The following MAP1A variants were observed in gnomAD, a reference collection of about 807,000 sequenced individuals.
The protein encoded by MAP1A is microtubule associated protein 1A, also known as microtubule-associated protein 1A.
In MAP1A, 42 loss-of-function variants were observed where a neutral mutation model predicts 185.9. The observed-to-expected ratio is 0.23, with a 90% CI of 0.18 to 0.29. The LOEUF (loss-of-function observed/expected upper bound fraction) is 0.29. Ranked by LOEUF, MAP1A falls within the 10% of genes least tolerant of loss-of-function variation. The pLI is 1.00. For synonymous variants in MAP1A, 1,229 were observed against 1,335.9 expected (o/e 0.92, Z 1.74); for missense variants, 2,995 against 3,450.4 (o/e 0.87, Z 3.31).
Position 43,528,696 on chromosome 15 carries a change from C to T in MAP1A, c.7223C>T (p.Ser2408Phe). The T allele has an allele frequency of 6.2e-7, 1 of 1,613,810 alleles. No individual in the cohort carries two copies. The highest frequency in any genetic ancestry group is 8.5e-7 in the Non-Finnish European group (1 of 1,179,974). The change falls in exon 4 of 6, where the codon TCC becomes TTC. Residue 2408 changes from serine (S) to phenylalanine (F), a missense_variant. By Grantham distance (155) the Ser-to-Phe change is radical (BLOSUM62 -2). Transcript: ENST00000300231. ...ERSSRPDTLL[S>F]PEQPVCPAGG... ...AGCTCCCGGCCTGACACATTGCTCT[C>T]CCCTGAGCAGCCAGTGTGTCCTGCA... is the stretch of plus-strand genomic sequence containing the variant.
chr15:43,525,104 G>T lies in MAP1A; in HGVS notation c.3631G>T (p.Asp1211Tyr). ...GAGTCCCAGCAAGGAGACCTCCCTGGATGTCTCTTCTAAGCAGCTCTCTCC... is the reference window on the plus strand; with the variant it reads ...GAGTCCCAGCAAGGAGACCTCCCTGTATGTCTCTTCTAAGCAGCTCTCTCC... ...EESPSKETSL[D>Y]VSSKQLSPES... Residue 1211 changes from aspartate (D) to tyrosine (Y), a missense_variant, in exon 4 of 6, where the codon GAT (aspartate) becomes TAT (tyrosine). Asp to Tyr is a radical substitution (Grantham distance 160). Around this residue, in one of 3 missense-constraint regions of MAP1A, gnomAD observed 2,728 missense variants for 2,986.0 expected, o/e 0.91. Coordinates refer to ENST00000300231, the MANE Select transcript of MAP1A (RefSeq NM_002373.6). 1 of 1,614,178 alleles carries T rather than the reference G, an allele frequency of 6.2e-7. No individual in the cohort carries two copies. Among genetic ancestry groups the T allele is most frequent in the Non-Finnish European group, 8.5e-7 (1 of 1,180,030 alleles).
In MAP1A at chr15:43,523,750, G is replaced by A. The variant is rs142195148; in HGVS notation, c.2277G>A (p.Pro759=). 5.8e-5 allele frequency: 93 copies of A among 1,614,040 alleles called. No individual in the cohort carries two copies. The African/African-American group carries it at 7.1e-4, about 12-fold the overall frequency. ...TISDEEIHDE[P]EERPAPPRFH... ...CAGATGAGGAGATCCATGATGAGCC[G>A]GAGGAGCGCCCAGCTCCACCCAGAT... The change falls in exon 4 of 6, where the codon CCG becomes CCA. Residue 759 remains proline (P), a synonymous_variant. Transcript: ENST00000300231.
chr15:43,528,938 G>A lies in MAP1A; in HGVS notation c.7465G>A (p.Gly2489Arg). 2 of 1,613,106 alleles carry A rather than the reference G, an allele frequency of 1.2e-6. No individual in the cohort carries two copies. Among genetic ancestry groups the A allele is most frequent in the Non-Finnish European group, 1.7e-6 (2 of 1,179,974 alleles). Residue 2489 changes from glycine to arginine, a missense_variant, in exon 4 of 6, where the codon GGG (glycine) becomes AGG (arginine). Gly to Arg is a moderately radical substitution (Grantham distance 125). Coordinates refer to ENST00000300231, the MANE Select transcript of MAP1A (RefSeq NM_002373.6). ...CCGGGTAGGGGGGCCAGGGACCACTGGGGGCCCATGCCCTGTGACTGATGA... is the reference window on the plus strand; with the variant it reads ...CCGGGTAGGGGGGCCAGGGACCACTAGGGGCCCATGCCCTGTGACTGATGA... ...RRRVGGPGTT[G>R]GPCPVTDETP...
chr15:43,511,441 T>C (rs1372030696), intron 1 of MAP1A, among the ~76,000 whole-genome samples: 1 of 152,192 alleles, frequency 6.6e-6, no homozygotes, highest in Non-Finnish European at 1.5e-5. Context: ...CTCCATGGCG[T>C]TCCGCAGTCT....
In MAP1A at chr15:43,527,057, G is replaced by C. The variant is rs763368115; in HGVS notation, c.5584G>C (p.Gly1862Arg). Residue 1862 changes from glycine to arginine, a missense_variant, in exon 4 of 6, where the codon GGT becomes CGT. Gly to Arg is a moderately radical substitution (Grantham distance 125). Transcript: ENST00000300231. ...LPPAPLSPAP[G>R]PPTPAPESHT... ...CCCTGCACCCCTCTCCCCAGCTCCT[G>C]GTCCCCCCACACCTGCCCCGGAATC... The C allele has an allele frequency of 6.3e-7, 1 of 1,579,670 alleles. No homozygotes were observed. Among genetic ancestry groups the C allele is most frequent in the South Asian group, 1.2e-5 (1 of 85,028 alleles).
At position 43,522,389 on chromosome 15, in the gene MAP1A, A is replaced by T; in HGVS notation, c.916A>T (p.Thr306Ser). The T allele has an allele frequency of 6.2e-7, 1 of 1,614,144 alleles. No homozygotes were observed. The highest frequency in any genetic ancestry group is 1.6e-4 in the Middle Eastern group (1 of 6,062). The change falls in exon 4 of 6, where the codon ACC becomes TCC. Residue 306 changes from threonine (T) to serine (S), a missense_variant. This residue lies in a region of MAP1A where 264 missense variants were observed against 435.3 expected (regional missense o/e 0.61). Transcript: ENST00000300231. The surrounding 1 kb of genome is among the most constrained non-coding windows in gnomAD (Gnocchi z 5.9). ...QKDLASGAVP[T>S]NLKPSKIKQR... The stretch of plus-strand genomic sequence containing the variant: ...GGACCTGGCTTCTGGGGCTGTGCCT[A>T]CCAACCTCAAGCCCAGCAAAATCAA...
At chr15:43,511,711 T>TC (rs1290844283) in intron 1 of MAP1A, among the ~76,000 whole-genome samples, 3 of 152,296 alleles carry the variant, frequency 2.0e-5, no homozygotes, top group African/African-American at 7.2e-5. Context: ...CTCACCTCCT[T>TC]CCCCAGTGCT....
Position 43,531,537 on chromosome 15 carries a change from A to G in MAP1A, c.*1313A>G, listed in dbSNP as rs1015585486. 13 of 152,526 alleles carry G rather than the reference A, an allele frequency of 8.5e-5. No individual in the cohort carries two copies. The highest frequency in any genetic ancestry group is 1.9e-4 in the Non-Finnish European group (13 of 68,042). 9.4% of individuals were successfully genotyped at this position (152,526 alleles called of 1,614,324 possible). ...GTGCTGCTGTGTTCTGCTCCTCCCC[A>G]CGCTTCCCTGCTATAGTTCCCAGCT... On this transcript the variant is annotated 3_prime_UTR_variant, in exon 6 of 6. Transcript: ENST00000300231.
intron 1 of MAP1A, among the ~76,000 whole-genome samples, chr15:43,518,414 T>C (rs954695587): frequency 1.3e-5 from 2 of 151,988 alleles, no homozygotes; most frequent in African/African-American, 4.8e-5. Context: ...GTTCCCAGTC[T>C]CAGCCCTACC....
At position 43,526,707 on chromosome 15, in the gene MAP1A, A is replaced by G. The variant is rs770694640; in HGVS notation, c.5234A>G (p.His1745Arg). 2 of 1,614,086 alleles carry G rather than the reference A, an allele frequency of 1.2e-6. No individual in the cohort carries two copies. Among genetic ancestry groups the G allele is most frequent in the South Asian group, 2.2e-5 (2 of 91,090 alleles). Reference protein sequence around the residue: ...DDEQEVPLREHATRSPWASDF... With the variant: ...DDEQEVPLRERATRSPWASDF... ...GAGCAAGAAGTACCCCTGCGGGAAC[A>G]CGCAACCCGGAGCCCCTGGGCCTCA... Residue 1745 changes from histidine (H) to arginine (R), a missense_variant, in exon 4 of 6, where the codon CAC becomes CGC. By Grantham distance (29) the His-to-Arg change is conservative. Around this residue, in one of 3 missense-constraint regions of MAP1A, gnomAD observed 2,728 missense variants for 2,986.0 expected, o/e 0.91. Coordinates refer to ENST00000300231, the MANE Select transcript of MAP1A (RefSeq NM_002373.6). The surrounding 1 kb of genome is among the most constrained non-coding windows in gnomAD (Gnocchi z 4.7).
intron 1 of MAP1A, among the ~76,000 whole-genome samples, chr15:43,518,708 A>ACCCCCCCCCCCCCC (rs34711237): frequency 6.0e-5 from 5 of 83,628 alleles, no homozygotes; most frequent in South Asian, 4.1e-4. Flanking sequence ...ACCGCAGCCC[A>ACCCCCCCCCCCCCC]CCCCCCCCCG....
Position 43,522,356 on chromosome 15 carries a change from A to C in MAP1A, c.883A>C (p.Thr295Pro). The C allele has an allele frequency of 6.2e-7, 1 of 1,614,154 alleles. No individual in the cohort carries two copies. Among genetic ancestry groups the C allele is most frequent in the Non-Finnish European group, 8.5e-7 (1 of 1,180,030 alleles). ...HLDFLRYPVA[T>P]QKDLASGAVP... is the part of the protein sequence containing the mutation. ...GGACTTCCTGCGTTACCCTGTGGCC[A>C]CGCAGAAGGACCTGGCTTCTGGGGC... is the stretch of plus-strand genomic sequence containing the variant. Residue 295 changes from threonine (T) to proline (P), a missense_variant, in exon 4 of 6, where the codon ACG becomes CCG. Thr to Pro is a conservative substitution (Grantham distance 38). Coordinates refer to ENST00000300231, the MANE Select transcript of MAP1A (RefSeq NM_002373.6). This position sits in a 1 kb window ranked among gnomAD's most constrained non-coding sequence, Gnocchi z 5.9.
In MAP1A at chr15:43,529,379, C is replaced by G; in HGVS notation, c.7906C>G (p.Pro2636Ala). ...ACGCTCACCCACCCCTGGTAAAGGGCCTGCAGATCGAGCATCCCGGGCCCC... is the reference window on the plus strand; with the variant it reads ...ACGCTCACCCACCCCTGGTAAAGGGGCTGCAGATCGAGCATCCCGGGCCCC... ...GKRSPTPGKG[P>A]ADRASRAPPR... is the part of the protein sequence containing the mutation. The change falls in exon 4 of 6, where the codon CCT becomes GCT. Residue 2636 changes from proline (P) to alanine (A), a missense_variant. By Grantham distance (27) the Pro-to-Ala change is conservative (BLOSUM62 -1). Transcript: ENST00000300231. This position sits in a 1 kb window ranked among gnomAD's most constrained non-coding sequence, Gnocchi z 4.3. 1 of 1,613,986 alleles carries G rather than the reference C, an allele frequency of 6.2e-7. No homozygotes were observed. Among genetic ancestry groups the G allele is most frequent in the Non-Finnish European group, 8.5e-7 (1 of 1,180,024 alleles).
At position 43,521,471 on chromosome 15, in the gene MAP1A, A is replaced by G; in HGVS notation, c.-3A>G. On this transcript the variant is annotated 5_prime_UTR_variant, in exon 4 of 6. Transcript: ENST00000300231. The surrounding 1 kb of genome is among the most constrained non-coding windows in gnomAD (Gnocchi z 4.6). ...GCTAAACCCTGAGCCCACTCTGCCC[A>G]CCATGGACGGCGTGGCTGAGTTCTC... 6.2e-7 allele frequency: 1 copy of G among 1,614,116 alleles called. No homozygotes were observed. Among genetic ancestry groups the G allele is most frequent in the Non-Finnish European group, 8.5e-7 (1 of 1,180,010 alleles).
In MAP1A at chr15:43,529,978, A is replaced by G. The variant is rs1170742274; in HGVS notation, c.8257-91A>G. ...AGGATGGGCCTTTTCTAAGGGCAGCAGAGCTGCTTCTGAGACCATGAGGTG... is the reference window on the plus strand; with the variant it reads ...AGGATGGGCCTTTTCTAAGGGCAGCGGAGCTGCTTCTGAGACCATGAGGTG... On this transcript the variant is annotated intron_variant, in intron 5 of 5. Transcript: ENST00000300231. This position sits in a 1 kb window ranked among gnomAD's most constrained non-coding sequence, Gnocchi z 4.3. 6.4e-7 allele frequency: 1 copy of G among 1,554,876 alleles called. No individual in the cohort carries two copies. Among genetic ancestry groups the G allele is most frequent in the Non-Finnish European group, 8.8e-7 (1 of 1,131,830 alleles).
At chr15:43,519,259 G>A (rs983043652) in intron 1 of MAP1A, among the ~76,000 whole-genome samples, 12 of 152,132 alleles carry the variant, frequency 7.9e-5, no homozygotes, top group African/African-American at 2.9e-4. Flanking sequence ...GTAAATAGAA[G>A]GGAACCCTTG....
chr15:43,525,844 A>G lies in MAP1A; in HGVS notation c.4371A>G (p.Leu1457=). ...DKIPEEKDKA[L]EQKDTALEQK... ...TTCCAGAAGAGAAAGACAAAGCCTT[A>G]GAACAAAAGGATACAGCCCTGGAAC... The change falls in exon 4 of 6, where the codon TTA becomes TTG. Residue 1457 remains leucine, a synonymous_variant. Transcript: ENST00000300231. 2.5e-6 allele frequency: 4 copies of G among 1,578,024 alleles called. No homozygotes were observed. The highest frequency in any genetic ancestry group is 3.4e-6 in the Non-Finnish European group (4 of 1,163,880).
chr15:43,523,122 G>A lies in MAP1A; in HGVS notation c.1649G>A (p.Arg550Lys), dbSNP rs201615907. Residue 550 changes from arginine (R) to lysine (K), a missense_variant, in exon 4 of 6, where the codon AGG (arginine) becomes AAG (lysine). Physicochemically the swap from Arg to Lys is conservative, Grantham distance 26. This residue lies in a region of MAP1A where 2,728 missense variants were observed against 2,986.0 expected (regional missense o/e 0.91). Transcript: ENST00000300231. ...REERALLAEQ[R>K]DTGLGDKPFP... ...GAGAGGGCTTTGCTGGCTGAACAAA[G>A]GGACACAGGACTAGGAGATAAGCCA... 25 of 1,614,130 alleles carry A rather than the reference G, an allele frequency of 1.5e-5. No homozygotes were observed. The African/African-American group carries it at 2.7e-4, about 17-fold the overall frequency.
At position 43,520,704 on chromosome 15, in the gene MAP1A, C is replaced by T. The variant is rs2079315784; in HGVS notation, c.-311C>T. 2 of 1,550,012 alleles carry T rather than the reference C, an allele frequency of 1.3e-6. No individual in the cohort carries two copies. Among genetic ancestry groups the T allele is most frequent in the Non-Finnish European group, 1.7e-6 (2 of 1,146,328 alleles). On this transcript the variant is annotated 5_prime_UTR_variant, in exon 2 of 6. Transcript: ENST00000300231. ...ACCATCATCCTGGTAAATCCCAGTG[C>T]AGACAGCATCAGCTCTGAGGTAAGG...
Sources: gnomAD v4.1 joint callset for allele counts (sites outside exome capture counted in the v4.1 genomes callset) on GRCh38, gnomAD v4.1.1 for gene constraint, gnomAD v4.1.1 regional missense constraint, Gnocchi (gnomAD v3.1) non-coding constraint, MANE v1.5 for transcripts, NCBI Gene and HGNC (gene_info 2026-07-23, HGNC 2026-07-21) for gene names.